The following PEX14 variants were observed in gnomAD, a reference collection of about 807,000 sequenced individuals.
PEX14 encodes peroxisomal biogenesis factor 14.
In PEX14, 15 loss-of-function variants were observed where a neutral mutation model predicts 49.5. The ratio of observed to expected loss-of-function variants is 0.30; its 90% CI spans 0.20 to 0.47. The LOEUF (loss-of-function observed/expected upper bound fraction) is 0.47. Among genes scored for constraint, PEX14 ranks in the 20% least tolerant of loss-of-function variants. PEX14 has a pLI of 1.00. For missense variants in PEX14, 398 were observed against 494.8 expected (o/e 0.80, Z 1.86); for synonymous variants, 210 against 212.7 (o/e 0.99, Z 0.11).
chr1:10,515,076 G>A (rs1029915726), intron 2 of PEX14, among the ~76,000 whole-genome samples: 3 of 152,248 alleles, frequency 2.0e-5, no homozygotes, highest in Admixed American at 6.5e-5. Context: ...GTCCTCCAGC[G>A]GGCTCTCCAG....
intron 4 of PEX14, among the ~76,000 whole-genome samples, chr1:10,612,314 C>A (rs1641296743): frequency 6.6e-6 from 1 of 151,892 alleles, no homozygotes; most frequent in Non-Finnish European, 1.5e-5. Context: ...GGGTCTATTT[C>A]TGGACTCTTC....
At chr1:10,552,014 A>G (rs1639347640) in intron 3 of PEX14, among the ~76,000 whole-genome samples, 1 of 151,930 alleles carries the variant, frequency 6.6e-6, no homozygotes, top group Non-Finnish European at 1.5e-5. Flanking sequence ...AATCTCTTGA[A>G]CCCGGGAGGT....
intron 5 of PEX14, among the ~76,000 whole-genome samples, chr1:10,619,529 G>A (rs898544679): frequency 2.0e-5 from 3 of 151,816 alleles, no homozygotes; most frequent in Admixed American, 6.6e-5. Context: ...TGGCCAGGCC[G>A]GTCTCGAACT....
intron 4 of PEX14, among the ~76,000 whole-genome samples, chr1:10,599,829 T>C (rs1399307372): frequency 6.6e-6 from 1 of 152,202 alleles, no homozygotes; most frequent in African/African-American, 2.4e-5. Context: ...CTCCCTCCCT[T>C]GTCCTGGCTA....
At chr1:10,482,594 C>T (rs537996789) in intron 1 of PEX14, among the ~76,000 whole-genome samples, 45 of 151,786 alleles carry the variant, frequency 3.0e-4, no homozygotes, top group Admixed American at 1.6e-3. Flanking sequence ...CCACCATGCC[C>T]GGCTAATTTT....
At chr1:10,573,007 G>A (rs1640024472) in intron 3 of PEX14, among the ~76,000 whole-genome samples, 1 of 152,162 alleles carries the variant, frequency 6.6e-6, no homozygotes, top group East Asian at 1.9e-4. Context: ...GGATACTGTA[G>A]GCAATTGTAA....
chr1:10,484,646 G>A (rs1381361390), intron 1 of PEX14, among the ~76,000 whole-genome samples: 1 of 151,648 alleles, frequency 6.6e-6, no homozygotes, highest in Non-Finnish European at 1.5e-5. Flanking sequence ...CATGGTTTCT[G>A]TGGGTCAGGA....
chr1:10,624,523 C>T, intron 7 of PEX14, 86 bp downstream of exon 7: 2 of 896,424 alleles, frequency 2.2e-6, no homozygotes, highest in South Asian at 2.6e-5. Context: ...GGGCTTGCCA[C>T]CTTCGGGAGC....
In PEX14 at chr1:10,597,804, G is replaced by C. The variant is rs1010320415; in HGVS notation, c.170-1434G>C. 6.6e-6 allele frequency among the ~76,000 whole-genome samples: 1 copy of C among 152,104 alleles called. No individual in the cohort carries two copies. Among genetic ancestry groups the C allele is most frequent in the Admixed American group, 6.5e-5 (1 of 15,276 alleles). On this transcript the variant is annotated intron_variant, in intron 3 of 8. Coordinates refer to ENST00000356607, the MANE Select transcript of PEX14 (RefSeq NM_004565.3). This position sits in a 1 kb window ranked among gnomAD's most constrained non-coding sequence, Gnocchi z 5.7. The stretch of plus-strand genomic sequence containing the variant: ...ATAGTCCTCAACTCCTCAGCACAGA[G>C]AAGGGAAAAAAGAGTCCAGGGCTGT...
chr1:10,581,271 C>G (rs1640307355), intron 3 of PEX14, among the ~76,000 whole-genome samples: 1 of 149,944 alleles, frequency 6.7e-6, no homozygotes, highest in Admixed American at 6.6e-5. Flanking sequence ...CTTGTTGCCT[C>G]TGACCTTGGT....
At chr1:10,566,022 G>A (rs1639794674) in intron 3 of PEX14, among the ~76,000 whole-genome samples, 1 of 152,190 alleles carries the variant, frequency 6.6e-6, no homozygotes, top group Non-Finnish European at 1.5e-5. Context: ...ATGGACAAAA[G>A]CTCTGCCTCA....
At chr1:10,557,853 G>A (rs1382445683) in intron 3 of PEX14, among the ~76,000 whole-genome samples, 1 of 142,398 alleles carries the variant, frequency 7.0e-6, no homozygotes, top group Non-Finnish European at 1.5e-5. Context: ...TTTTTTTAAT[G>A]ATTTTAGTTT....
intron 6 of PEX14, among the ~76,000 whole-genome samples, chr1:10,624,113 A>AT (rs2124640851): frequency 6.6e-6 from 1 of 152,320 alleles, no homozygotes; most frequent in South Asian, 2.1e-4. Flanking sequence ...ACTGTTGACC[A>AT]TGGACAACTA....
rs369927687 is a variant in PEX14 at position 10,618,457 on chromosome 1, C to T, written c.384+40C>T. 8 of 1,433,926 alleles carry T rather than the reference C, an allele frequency of 5.6e-6. No individual in the cohort carries two copies. In the African/African-American group the frequency reaches 9.8e-5, roughly 18 times the overall value. The allele number at this position is 1,433,926 out of a possible 1,614,324, so 88.8% of individuals were successfully genotyped here. Reference sequence around the variant, plus strand: ...GCGGCTGCAGGTGCTGTGCCCCTGCCACCCTGTGGCATTCAGCACCCTTTC... The same window carrying T: ...GCGGCTGCAGGTGCTGTGCCCCTGCTACCCTGTGGCATTCAGCACCCTTTC... On this transcript the variant is annotated intron_variant, in intron 5 of 8. Transcript: ENST00000356607.
At chr1:10,483,847 ATCCTTGCCTGTGG>A in intron 1 of PEX14, among the ~76,000 whole-genome samples, 1 of 151,704 alleles carries the variant, frequency 6.6e-6, no homozygotes, top group East Asian at 1.9e-4. Flanking sequence ...TTCCCATTGA[ATCCTTGCCTGTGG>A]TCCTAGGAAA....
chr1:10,572,255 C>G (rs1376751860), intron 3 of PEX14, among the ~76,000 whole-genome samples: 1 of 152,092 alleles, frequency 6.6e-6, no homozygotes, highest in Non-Finnish European at 1.5e-5. Context: ...GCCAGTACTC[C>G]AAAAGATTGT....
At chr1:10,573,104 C>T (rs1359901435) in intron 3 of PEX14, among the ~76,000 whole-genome samples, 1 of 152,180 alleles carries the variant, frequency 6.6e-6, no homozygotes, top group Admixed American at 6.5e-5. Context: ...CAGCACTAAA[C>T]AATGGGAATT....
chr1:10,615,104 C>T (rs1399181023), intron 4 of PEX14, among the ~76,000 whole-genome samples: 2 of 152,122 alleles, frequency 1.3e-5, no homozygotes, highest in African/African-American at 4.8e-5. Context: ...TCTTAGACAC[C>T]GAGTGTCACT....
intron 3 of PEX14, among the ~76,000 whole-genome samples, chr1:10,559,750 C>A (rs1457003699): frequency 6.6e-6 from 1 of 152,344 alleles, no homozygotes; most frequent in South Asian, 2.1e-4. Context: ...GACTTCTCTT[C>A]TCTCAGAGGA....
Sources: gnomAD v4.1 joint callset for allele counts (sites outside exome capture counted in the v4.1 genomes callset) on GRCh38, gnomAD v4.1.1 for gene constraint, Gnocchi (gnomAD v3.1) non-coding constraint, MANE v1.5 for transcripts, NCBI Gene and HGNC (gene_info 2026-07-23, HGNC 2026-07-21) for gene names.